PTPRD: variants seen among roughly 807,000 people sequenced by gnomAD.
The protein encoded by PTPRD is protein tyrosine phosphatase receptor type D, also known as receptor-type tyrosine-protein phosphatase delta.
In PTPRD, 34 loss-of-function variants were observed where a neutral mutation model predicts 214.5. That is an observed-to-expected ratio of 0.16 (90% CI 0.12 to 0.21). The LOEUF is 0.21. Among genes scored for constraint, PTPRD ranks in the 10% least tolerant of loss-of-function variants. PTPRD has a pLI of 1.00. For missense variants in PTPRD, 2,545 were observed against 2,398.7 expected (o/e 1.06, Z -1.27); for synonymous variants, 1,128 against 845.7 (o/e 1.33, Z -5.79).
intron 8 of PTPRD, among the ~76,000 whole-genome samples, chr9:9,521,241 T>G (rs913769960): frequency 1.3e-5 from 2 of 152,136 alleles, no homozygotes; most frequent in African/African-American, 4.8e-5. Context: ...AATGGATGAC[T>G]AGGTCTGCGT....
chr9:9,998,129 A>AAAAAAAAAAATATATATATATATAT (rs57991748), intron 4 of PTPRD, among the ~76,000 whole-genome samples: 1 of 91,494 alleles, frequency 1.1e-5, no homozygotes, highest in African/African-American at 5.9e-5. Flanking sequence ...AAAAAAAAAA[A>AAAAAAAAAAATATATATATATATAT]ATATATATAT....
chr9:10,392,840 C>G (rs1332608268), intron 2 of PTPRD, among the ~76,000 whole-genome samples: 1 of 151,828 alleles, frequency 6.6e-6, no homozygotes, highest in Non-Finnish European at 1.5e-5. Flanking sequence ...TTTGGAAGTA[C>G]AGACATTTGC....
In PTPRD at chr9:8,912,147, C is replaced by G. The variant is rs141928008; in HGVS notation, c.-104+106550G>C. On this transcript the variant is annotated intron_variant, in intron 11 of 45. Coordinates refer to ENST00000381196, the MANE Select transcript of PTPRD (RefSeq NM_002839.4). ...TTTGGCAGATGACCCAGGAATTCCA[C>G]TCTTAGGTGTTTACCCAAGAGAAAT... is the stretch of plus-strand genomic sequence containing the variant. 3.7e-4 allele frequency among the ~76,000 whole-genome samples: 56 copies of G among 152,252 alleles called. No individual in the cohort carries two copies. The East Asian group carries it at 0.01, about 28-fold the overall frequency.
rs1312793090 is a variant in PTPRD at position 8,523,326 on chromosome 9, C to A, written c.691+187G>T. ...TACCATGCACCCAGGTACATTCTCT[C>A]CCACCATGCACCACAGTTAGATACC... On this transcript the variant is annotated intron_variant, in intron 19 of 45. Transcript: ENST00000381196. Among the ~76,000 whole-genome samples the A allele has an allele frequency of 2.6e-5, 4 of 152,074 alleles. No homozygotes were observed. In the East Asian group the frequency reaches 7.7e-4, roughly 29 times the overall value.
At chr9:9,553,538 G>A (rs187524664) in intron 8 of PTPRD, among the ~76,000 whole-genome samples, 41 of 151,814 alleles carry the variant, frequency 2.7e-4, no homozygotes, top group African/African-American at 9.4e-4. Context: ...TTCCACATTG[G>A]TATTCCAAAG....
chr9:9,362,163 C>T (rs749346061), intron 9 of PTPRD, among the ~76,000 whole-genome samples: 7 of 150,958 alleles, frequency 4.6e-5, no homozygotes, highest in Non-Finnish European at 1.0e-4. Context: ...GGGAGGGCAT[C>T]GCAAGGGATG....
At chr9:8,782,664 C>G (rs1366907575) in intron 11 of PTPRD, among the ~76,000 whole-genome samples, 5 of 147,172 alleles carry the variant, frequency 3.4e-5, no homozygotes, top group African/African-American at 1.3e-4. Flanking sequence ...GTGGCACAAT[C>G]TCGGCTCACT....
At chr9:10,260,906 A>C (rs2154375550) in intron 3 of PTPRD, among the ~76,000 whole-genome samples, 1 of 151,748 alleles carries the variant, frequency 6.6e-6, no homozygotes, top group East Asian at 1.9e-4. Flanking sequence ...TGCTCTTTCT[A>C]ATTCTTGTAT....
intron 10 of PTPRD, among the ~76,000 whole-genome samples, chr9:9,128,373 C>A (rs1222958196): frequency 1.3e-5 from 2 of 152,066 alleles, no homozygotes; most frequent in African/African-American, 4.8e-5. Context: ...ACATACTGTC[C>A]AAGTATTAGT....
At chr9:9,448,086 G>C (rs933031083) in intron 8 of PTPRD, among the ~76,000 whole-genome samples, 1 of 152,042 alleles carries the variant, frequency 6.6e-6, no homozygotes, top group Non-Finnish European at 1.5e-5. Context: ...ACAGGTTTTG[G>C]AGAAGAAAGG....
At chr9:8,387,023 G>A (rs978153143) in intron 37 of PTPRD, among the ~76,000 whole-genome samples, 3 of 152,154 alleles carry the variant, frequency 2.0e-5, no homozygotes, top group Non-Finnish European at 2.9e-5. Context: ...GGTGGTGGCT[G>A]AGACTCCCCA....
chr9:10,518,519 G>A (rs958849173), intron 2 of PTPRD, among the ~76,000 whole-genome samples: 1 of 151,984 alleles, frequency 6.6e-6, no homozygotes, highest in African/African-American at 2.4e-5. Flanking sequence ...TAAAATTTAT[G>A]TTAAGATCAT....
intron 9 of PTPRD, among the ~76,000 whole-genome samples, chr9:9,286,761 C>A (rs932030256): frequency 6.7e-6 from 1 of 149,426 alleles, no homozygotes; most frequent in African/African-American, 2.5e-5. Context: ...ATAATATAGG[C>A]CAGTGTCTCA....
chr9:10,410,410 T>C (rs1158554568), intron 2 of PTPRD, among the ~76,000 whole-genome samples: 1 of 151,064 alleles, frequency 6.6e-6, no homozygotes, highest in Non-Finnish European at 1.5e-5. Context: ...GGTTTCATAA[T>C]ATGACTCTCA....
In PTPRD at chr9:8,873,749, G is replaced by A. The variant is rs547197525; in HGVS notation, c.-103-139803C>T. 1.4e-4 allele frequency among the ~76,000 whole-genome samples: 21 copies of A among 152,248 alleles called. No individual in the cohort carries two copies. The South Asian group carries it at 4.2e-3, about 30-fold the overall frequency. ...TGAAAGCATTGGGGGACTAGGTCTC[G>A]TTGGTGTCAGGCACGTAGGTCTGCA... On this transcript the variant is annotated intron_variant, in intron 11 of 45. Coordinates refer to ENST00000381196, the MANE Select transcript of PTPRD (RefSeq NM_002839.4).
At chr9:9,435,969 G>C (rs2085083028) in intron 8 of PTPRD, among the ~76,000 whole-genome samples, 1 of 152,032 alleles carries the variant, frequency 6.6e-6, no homozygotes, top group East Asian at 1.9e-4. Flanking sequence ...CATTCAATTA[G>C]CTCACCTTTT....
Position 9,235,150 on chromosome 9 carries a change from T to A in PTPRD, c.-202-51787A>T, listed in dbSNP as rs192029702. Among the ~76,000 whole-genome samples, 319 of 152,232 alleles carry A rather than the reference T, an allele frequency of 2.1e-3. 3 individuals are homozygous for A. The highest frequency in any genetic ancestry group is 6.8e-3 in the Middle Eastern group (2 of 294). On this transcript the variant is annotated intron_variant, in intron 9 of 45. Coordinates refer to ENST00000381196, the MANE Select transcript of PTPRD (RefSeq NM_002839.4). ...CTTCTCAGGGTGGCGGGAGACAGAA[T>A]GAGTGCCAAGCAATGGGGGAAAAGC...
At chr9:9,732,649 C>G (rs1247178124) in intron 7 of PTPRD, among the ~76,000 whole-genome samples, 1 of 152,172 alleles carries the variant, frequency 6.6e-6, no homozygotes, top group Non-Finnish European at 1.5e-5. Flanking sequence ...AAAATTTGTG[C>G]TACCTAAAAT....
At chr9:9,286,901 T>C in intron 9 of PTPRD, among the ~76,000 whole-genome samples, 1 of 28,540 alleles carries the variant, frequency 3.5e-5, no homozygotes, top group South Asian at 1.3e-3. Context: ...TATATATATA[T>C]ATATATATAT....
Sources: allele counts gnomAD v4.1 joint callset (sites outside exome capture counted in the v4.1 genomes callset), GRCh38; gene constraint gnomAD v4.1.1; transcripts MANE v1.5; gene names NCBI Gene and HGNC (gene_info 2026-07-23, HGNC 2026-07-21).